Variants in PEX2 observed in about 807,000 individuals in gnomAD.
The protein encoded by PEX2 is peroxisomal biogenesis factor 2.
Under a neutral mutation model 25.2 loss-of-function variants are expected in PEX2, and 19 were observed. That is an observed-to-expected ratio of 0.75 (90% CI 0.53 to 1.10). The LOEUF is 1.10. PEX2 is among the 50% of genes least tolerant of loss of function. PEX2 has a pLI of 0.00. For synonymous variants in PEX2, 141 were observed against 127.7 expected (o/e 1.10, Z -0.70); for missense variants, 347 against 350.6 (o/e 0.99, Z 0.08).
At chr8:76,990,118 T>TA (rs1239278815) in intron 1 of PEX2, among the ~76,000 whole-genome samples, 1 of 152,272 alleles carries the variant, frequency 6.6e-6, no homozygotes, top group Non-Finnish European at 1.5e-5. Context: ...TTCATGTTTA[T>TA]ATCATAAATG....
intron 1 of PEX2, among the ~76,000 whole-genome samples, chr8:76,995,831 G>A (rs371666726): frequency 1.3e-5 from 2 of 151,812 alleles, no homozygotes; most frequent in East Asian, 3.9e-4. Flanking sequence ...CCTCTGATTA[G>A]CTCTGTATTC....
At chr8:76,989,803 G>A (rs185021586) in intron 1 of PEX2, among the ~76,000 whole-genome samples, 2 of 152,294 alleles carry the variant, frequency 1.3e-5, no homozygotes, top group Non-Finnish European at 2.9e-5. Context: ...TACAGGCAGA[G>A]TAGTTCTAGC....
intron 1 of PEX2, among the ~76,000 whole-genome samples, chr8:76,989,876 C>A (rs1807116433): frequency 6.6e-6 from 1 of 152,180 alleles, no homozygotes; most frequent in Admixed American, 6.5e-5. Flanking sequence ...AACTTAAGAG[C>A]CACCAGCTAC....
chr8:76,995,439 A>G (rs1314896514), intron 1 of PEX2, among the ~76,000 whole-genome samples: 1 of 152,160 alleles, frequency 6.6e-6, no homozygotes, highest in Non-Finnish European at 1.5e-5. Context: ...AGTTGCACAT[A>G]TTTCTCAAAA....
chr8:76,999,901 G>A (rs570596926), intron 1 of PEX2, 89 bp downstream of exon 1: 11 of 456,582 alleles, frequency 2.4e-5, no homozygotes, highest in South Asian at 1.7e-4. Flanking sequence ...AGCAAACGGC[G>A]ACAATTACAA....
chr8:76,983,806 G>GAAAC lies in PEX2; in HGVS notation c.369_372dup (p.Arg125ValfsTer30). 1.9e-6 allele frequency: 3 copies of GAAAC among 1,614,022 alleles called. No homozygotes were observed. Among genetic ancestry groups the GAAAC allele is most frequent in the Non-Finnish European group, 2.5e-6 (3 of 1,179,986 alleles). On this transcript the variant is annotated frameshift_variant, in exon 4 of 4. Coordinates refer to ENST00000357039, the MANE Select transcript of PEX2 (RefSeq NM_000318.3). LOFTEE classifies it high-confidence loss of function. ...CCAAATGATGCTAAATGATGGTTTC[G>GAAAC]AAACAAATCATAGCATCGTTCTTCT...
intron 1 of PEX2, chr8:76,999,737 G>A: frequency 2.4e-6 from 1 of 423,376 alleles, no homozygotes; most frequent in Non-Finnish European, 4.7e-6. Flanking sequence ...AATGCAGAGG[G>A]GCTCAACTGC....
At chr8:76,999,601 T>C (rs989207059) in intron 1 of PEX2, among the ~76,000 whole-genome samples, 1 of 152,192 alleles carries the variant, frequency 6.6e-6, no homozygotes, top group Non-Finnish European at 1.5e-5. Context: ...TTACATGAAC[T>C]TTCAGATATT....
In PEX2 at chr8:76,981,017, C is replaced by T. The variant is rs1806806025; in HGVS notation, c.*2244G>A. 1 of 152,210 alleles carries T rather than the reference C, an allele frequency of 6.6e-6. No homozygotes were observed. The highest frequency in any genetic ancestry group is 2.1e-4 in the South Asian group (1 of 4,834). 9.4% of individuals were successfully genotyped at this position (152,210 alleles called of 1,614,324 possible). ...AAGAGAACCATCTGAGCACCTACAT[C>T]CAGACTGGGCCTGCAGTGTGCAGCT... On this transcript the variant is annotated 3_prime_UTR_variant, in exon 4 of 4. Coordinates refer to ENST00000357039, the MANE Select transcript of PEX2 (RefSeq NM_000318.3).
chr8:76,993,617 T>C (rs992134159), intron 1 of PEX2, among the ~76,000 whole-genome samples: 1 of 152,220 alleles, frequency 6.6e-6, no homozygotes, highest in African/African-American at 2.4e-5. Flanking sequence ...CATTGTAAAT[T>C]AGTATTTAGT....
At chr8:76,991,455 G>C (rs1807167519) in intron 1 of PEX2, among the ~76,000 whole-genome samples, 1 of 152,066 alleles carries the variant, frequency 6.6e-6, no homozygotes, top group Non-Finnish European at 1.5e-5. Context: ...CTCTTTAATA[G>C]ACCAAAAGAC....
At chr8:76,999,230 A>G (rs1026115608) in intron 1 of PEX2, among the ~76,000 whole-genome samples, 1 of 152,184 alleles carries the variant, frequency 6.6e-6, no homozygotes, top group African/African-American at 2.4e-5. Flanking sequence ...AAACGTCAAG[A>G]TAAAATATTT....
At chr8:76,994,686 C>A (rs186789439) in intron 1 of PEX2, among the ~76,000 whole-genome samples, 1 of 152,140 alleles carries the variant, frequency 6.6e-6, no homozygotes, top group Non-Finnish European at 1.5e-5. Context: ...CCCACTCATG[C>A]ACCCCCTGCC....
rs151252180 is a variant in PEX2 at position 76,990,669 on chromosome 8, T to G, written c.-159-2331A>C. The stretch of plus-strand genomic sequence containing the variant: ...CACCCAATATTTGTTAAGTTCACCA[T>G]CTTATATGGATACAGTTCTTGGTGC... On this transcript the variant is annotated intron_variant, in intron 1 of 3. Coordinates refer to ENST00000357039, the MANE Select transcript of PEX2 (RefSeq NM_000318.3). Among the ~76,000 whole-genome samples the G allele has an allele frequency of 1.7e-3, 266 of 152,258 alleles. 2 individuals are homozygous for G. The highest frequency in any genetic ancestry group is 5.9e-3 in the African/African-American group (246 of 41,536).
intron 1 of PEX2, among the ~76,000 whole-genome samples, chr8:76,992,887 G>A (rs1182512292): frequency 4.6e-5 from 7 of 152,076 alleles, no homozygotes; most frequent in Non-Finnish European, 8.8e-5. Flanking sequence ...ATCCCAAAAC[G>A]TGAAAACATT....
intron 1 of PEX2, among the ~76,000 whole-genome samples, chr8:76,998,603 T>TA (rs1240281446): frequency 6.6e-6 from 1 of 152,216 alleles, no homozygotes; most frequent in Non-Finnish European, 1.5e-5. Flanking sequence ...ATTTTAATGC[T>TA]AGAAGAAAAG....
chr8:76,995,159 T>C (rs956172835), intron 1 of PEX2, among the ~76,000 whole-genome samples: 3 of 152,224 alleles, frequency 2.0e-5, no homozygotes, highest in African/African-American at 7.2e-5. Flanking sequence ...AAGTGCCTTG[T>C]CACTACTTTC....
chr8:77,000,084 G>C (rs11538555), upstream of PEX2: 1 of 395,590 alleles, frequency 2.5e-6, no homozygotes, highest in South Asian at 1.8e-5. Flanking sequence ...GGATTACCAA[G>C]GCTTCCGGAA....
chr8:76,992,071 A>G (rs6981675), intron 1 of PEX2, among the ~76,000 whole-genome samples: 144,832 of 152,166 alleles, frequency 0.95, 69,078 homozygotes, highest in East Asian at 0.99. Context: ...GTTAAACCAC[A>G]AACATAATGT....
Sources: gnomAD v4.1 joint callset for allele counts (sites outside exome capture counted in the v4.1 genomes callset) on GRCh38, gnomAD v4.1.1 for gene constraint, MANE v1.5 for transcripts, NCBI Gene and HGNC (gene_info 2026-07-23, HGNC 2026-07-21) for gene names.